The following RARB variants were observed in gnomAD, a reference collection of about 807,000 sequenced individuals.
RARB encodes HBV-activated protein.
Under a neutral mutation model 51.9 loss-of-function variants are expected in RARB, and 17 were observed. The observed-to-expected ratio is 0.33, with a 90% CI of 0.22 to 0.49. The LOEUF (loss-of-function observed/expected upper bound fraction) is 0.49. RARB is among the 20% of genes least tolerant of loss of function. RARB has a pLI of 0.99. For synonymous variants in RARB, 215 were observed against 195.4 expected (o/e 1.10, Z -0.84); for missense variants, 369 against 550.8 (o/e 0.67, Z 3.30).
At chr3:25,160,941 G>A (rs1346870377) in intron 4 of RARB, among the ~76,000 whole-genome samples, 1 of 151,786 alleles carries the variant, frequency 6.6e-6, no homozygotes, top group African/African-American at 2.4e-5. Flanking sequence ...ATCTCCCTTT[G>A]CCTCCCTCTT....
intron 5 of RARB, among the ~76,000 whole-genome samples, chr3:25,208,150 A>G (rs1271304452): frequency 6.6e-6 from 1 of 152,120 alleles, no homozygotes; most frequent in African/African-American, 2.4e-5. Context: ...TGCCCACATG[A>G]TCCAATCACC....
intron 3 of RARB, among the ~76,000 whole-genome samples, chr3:25,063,729 A>AAT (rs1698599390): frequency 6.6e-6 from 1 of 151,392 alleles, no homozygotes; most frequent in Non-Finnish European, 1.5e-5. Context: ...TTTTTTTAAA[A>AAT]AGATGAGGAA....
chr3:25,312,153 TC>T (rs1704306233), intron 5 of RARB, among the ~76,000 whole-genome samples: 1 of 152,140 alleles, frequency 6.6e-6, no homozygotes, highest in Admixed American at 6.5e-5. Context: ...GGGGGTAGAA[TC>T]AGAGACGGAA....
intron 5 of RARB, among the ~76,000 whole-genome samples, chr3:25,218,740 C>A (rs1701885700): frequency 1.3e-5 from 2 of 152,156 alleles, no homozygotes. Context: ...TTATGATAAT[C>A]CTGGGGAAAG....
intron 4 of RARB, among the ~76,000 whole-genome samples, chr3:25,155,081 ATTTAGAT>A (rs1439773774): frequency 6.6e-6 from 1 of 152,184 alleles, no homozygotes; most frequent in African/African-American, 2.4e-5. Context: ...CCATTCTCTG[ATTTAGAT>A]TTTATCACTA....
chr3:25,492,772 T>C lies in RARB; in HGVS notation c.307-8410T>C, dbSNP rs139881782. On this transcript the variant is annotated intron_variant, in intron 2 of 7. Coordinates refer to ENST00000330688, the MANE Select transcript of RARB (RefSeq NM_000965.5). ...AAATTCAGGCTTTCTTTTCTAATAG[T>C]AAGTGTGCCGAGGAAGCTTCTAGAC... 1.8e-4 allele frequency among the ~76,000 whole-genome samples: 27 copies of C among 152,318 alleles called. No homozygotes were observed. In the East Asian group the frequency reaches 4.8e-3, roughly 27 times the overall value.
chr3:25,128,908 T>A (rs1165390084), intron 3 of RARB, among the ~76,000 whole-genome samples: 2 of 152,116 alleles, frequency 1.3e-5, no homozygotes. Context: ...AAGAGAGGAT[T>A]AGTTAACTGG....
intron 2 of RARB, among the ~76,000 whole-genome samples, chr3:25,027,590 C>T (rs1313038824): frequency 1.4e-5 from 2 of 146,166 alleles, no homozygotes; most frequent in African/African-American, 5.1e-5. Flanking sequence ...ATGACAGTCA[C>T]TGCAGAAGGT....
In RARB at chr3:25,176,317, C is replaced by CTT. The variant is rs1444988551; in HGVS notation, c.178+1744_178+1745dup. Among the ~76,000 whole-genome samples, 4 of 36,274 alleles carry CTT rather than the reference C, an allele frequency of 1.1e-4. No individual in the cohort carries two copies. The East Asian group carries it at 2.7e-3, about 24-fold the overall frequency. The allele number at this position is 36,274 out of a possible 152,430, so 23.8% of individuals were successfully genotyped here. A position where few individuals can be genotyped will look rare whatever the true frequency, so the allele number is the denominator to read the frequency against. ...CTTTTCTTTCTTTCTTTCTTTCTTT[C>CTT]TTTCTTTCTTTCTTTCTTTCCTTCC... On this transcript the variant is annotated intron_variant, in intron 5 of 11. Transcript: ENST00000383772.
chr3:24,886,335 A>G (rs1329672097), intron 2 of RARB, among the ~76,000 whole-genome samples: 1 of 152,138 alleles, frequency 6.6e-6, no homozygotes, highest in Non-Finnish European at 1.5e-5. Flanking sequence ...GCACCCACAG[A>G]TGGTTGTTCA....
chr3:25,530,162 G>A (rs1425278533), intron 3 of RARB, among the ~76,000 whole-genome samples: 3 of 152,162 alleles, frequency 2.0e-5, no homozygotes, highest in Non-Finnish European at 4.4e-5. Context: ...TATCCCCTGG[G>A]TCTGGCACAT....
At chr3:25,254,080 T>G (rs1395375190) in intron 5 of RARB, among the ~76,000 whole-genome samples, 3 of 152,204 alleles carry the variant, frequency 2.0e-5, no homozygotes, top group Non-Finnish European at 4.4e-5. Context: ...TAAATGGACT[T>G]AACCAATACA....
chr3:25,094,184 A>G (rs920736379), intron 3 of RARB, among the ~76,000 whole-genome samples: 19 of 152,168 alleles, frequency 1.2e-4, no homozygotes, highest in African/African-American at 4.6e-4. Context: ...TGTTACTTGC[A>G]TATAGAAGGT....
At chr3:25,076,324 A>G (rs1042571904) in intron 3 of RARB, among the ~76,000 whole-genome samples, 1 of 152,148 alleles carries the variant, frequency 6.6e-6, no homozygotes. Flanking sequence ...TAATTTTAGT[A>G]GAAATGGGGT....
chr3:25,201,144 A>C (rs1226464370), intron 5 of RARB, among the ~76,000 whole-genome samples: 1 of 152,142 alleles, frequency 6.6e-6, no homozygotes, highest in East Asian at 1.9e-4. Context: ...GAGTTCCTTC[A>C]CATCCCTTGT....
intron 2 of RARB, among the ~76,000 whole-genome samples, chr3:24,981,855 C>T (rs1238507129): frequency 2.0e-5 from 3 of 152,180 alleles, no homozygotes; most frequent in Non-Finnish European, 4.4e-5. Context: ...AGAAATCACC[C>T]ATCCTCTGCC....
At chr3:25,402,308 G>A (rs555542981) in intron 5 of RARB, among the ~76,000 whole-genome samples, 1 of 152,162 alleles carries the variant, frequency 6.6e-6, no homozygotes, top group Non-Finnish European at 1.5e-5. Flanking sequence ...AATAGTGAAT[G>A]CTGGCAAGGA....
intron 2 of RARB, among the ~76,000 whole-genome samples, chr3:24,998,456 A>G (rs535603291): frequency 2.6e-5 from 4 of 152,156 alleles, no homozygotes; most frequent in African/African-American, 9.6e-5. Context: ...TGTCACCACA[A>G]AGACCCCTGA....
chr3:25,225,306 T>TGA (rs5847345), intron 5 of RARB, among the ~76,000 whole-genome samples: 70,009 of 151,860 alleles, frequency 0.46, 17,455 homozygotes, highest in East Asian at 0.68. Context: ...CTAGGCCTTC[T>TGA]GAGAGGAGAG....
Sources: gnomAD v4.1 joint callset for allele counts (sites outside exome capture counted in the v4.1 genomes callset) on GRCh38, gnomAD v4.1.1 for gene constraint, MANE v1.5 for transcripts, NCBI Gene and HGNC (gene_info 2026-07-23, HGNC 2026-07-21) for gene names.